Variants in SIPA1L3 observed in about 807,000 individuals in gnomAD.
SIPA1L3 encodes signal-induced proliferation-associated 1-like protein 3.
In SIPA1L3, 59 loss-of-function variants were observed where a neutral mutation model predicts 150.1. The ratio of observed to expected loss-of-function variants is 0.39; its 90% CI spans 0.32 to 0.49. The LOEUF is 0.49. Ranked by LOEUF, SIPA1L3 falls within the 20% of genes least tolerant of loss-of-function variation. SIPA1L3 has a pLI of 0.86. For missense variants in SIPA1L3, 2,211 were observed against 2,489.5 expected (o/e 0.89, Z 2.38); for synonymous variants, 1,070 against 1,077.6 (o/e 0.99, Z 0.14).
intron 21 of SIPA1L3, among the ~76,000 whole-genome samples, chr19:38,204,820 C>A (rs547728496): frequency 6.6e-6 from 1 of 152,196 alleles, no homozygotes; most frequent in African/African-American, 2.4e-5. Flanking sequence ...GGAATTTATC[C>A]GTGACAGCAT....
intron 13 of SIPA1L3, among the ~76,000 whole-genome samples, chr19:38,159,741 G>T (rs1432797764): frequency 6.6e-6 from 1 of 152,232 alleles, no homozygotes; most frequent in East Asian, 1.9e-4. Context: ...TATCGGAGAT[G>T]CTCCTGATAC....
At chr19:37,921,109 G>A (rs372420721) in intron 1 of SIPA1L3, among the ~76,000 whole-genome samples, 49 of 152,314 alleles carry the variant, frequency 3.2e-4, no homozygotes, top group African/African-American at 1.1e-3. Flanking sequence ...GGCAGGAAAC[G>A]TGCCCCTTTC....
chr19:38,087,415 T>C (rs887984561), intron 3 of SIPA1L3, among the ~76,000 whole-genome samples: 1 of 152,198 alleles, frequency 6.6e-6, no homozygotes, highest in African/African-American at 2.4e-5. Context: ...ATTTTGCCCT[T>C]AGACTAGCCT....
chr19:38,002,750 A>G (rs1005857108), intron 1 of SIPA1L3, among the ~76,000 whole-genome samples: 1 of 143,048 alleles, frequency 7.0e-6, no homozygotes, highest in African/African-American at 2.6e-5. Flanking sequence ...AAAAATTTAT[A>G]TGTATATATA....
intron 2 of SIPA1L3, among the ~76,000 whole-genome samples, chr19:38,034,710 G>A (rs1012586840): frequency 1.3e-5 from 2 of 152,184 alleles, no homozygotes; most frequent in African/African-American, 4.8e-5. Flanking sequence ...TCTAGTCCTC[G>A]GGAGAGCACC....
At chr19:37,918,483 C>T (rs2046431087) in intron 1 of SIPA1L3, among the ~76,000 whole-genome samples, 1 of 151,938 alleles carries the variant, frequency 6.6e-6, no homozygotes, top group South Asian at 2.1e-4. Context: ...TGGTCTCAAT[C>T]TCTTGACCTT....
intron 1 of SIPA1L3, among the ~76,000 whole-genome samples, chr19:37,918,266 T>G (rs2046429140): frequency 6.6e-6 from 1 of 151,618 alleles, no homozygotes; most frequent in Non-Finnish European, 1.5e-5. Flanking sequence ...TGTTTGATTG[T>G]TTGTTTGTTT....
intron 15 of SIPA1L3, among the ~76,000 whole-genome samples, chr19:38,178,142 G>C (rs1217148539): frequency 7.0e-6 from 1 of 142,034 alleles, no homozygotes; most frequent in African/African-American, 2.6e-5. Context: ...TGTGTGTTTT[G>C]TAGCTAAGAC....
chr19:38,022,399 G>A (rs1316820097), intron 1 of SIPA1L3, among the ~76,000 whole-genome samples: 1 of 152,098 alleles, frequency 6.6e-6, no homozygotes, highest in Admixed American at 6.6e-5. Flanking sequence ...CTGCACTCCA[G>A]CCTGGGTGAC....
chr19:38,164,008 G>A lies in SIPA1L3; in HGVS notation c.3781-471G>A, dbSNP rs568691383. On this transcript the variant is annotated intron_variant, in intron 14 of 21. Transcript: ENST00000222345. This position sits in a 1 kb window ranked among gnomAD's most constrained non-coding sequence, Gnocchi z 4.1. The stretch of plus-strand genomic sequence containing the variant: ...GGCATGGACAGGACCACGCGGAGCC[G>A]TGGAGCAGGAAGTGACAGGTCCCGG... Among the ~76,000 whole-genome samples, 3 of 152,302 alleles carry A rather than the reference G, an allele frequency of 2.0e-5. No homozygotes were observed. Among genetic ancestry groups the A allele is most frequent in the Middle Eastern group, 3.4e-3 (1 of 294 alleles).
chr19:38,120,389 T>C (rs565379768), intron 9 of SIPA1L3, among the ~76,000 whole-genome samples: 18 of 151,978 alleles, frequency 1.2e-4, no homozygotes, highest in Non-Finnish European at 2.4e-4. Flanking sequence ...GGAGGATTGT[T>C]TGAGCCCAAG....
intron 2 of SIPA1L3, among the ~76,000 whole-genome samples, chr19:38,062,703 T>A (rs562494746): frequency 6.6e-6 from 1 of 152,146 alleles, no homozygotes; most frequent in African/African-American, 2.4e-5. Flanking sequence ...GCACTGTAAC[T>A]GCTGCCTCAC....
chr19:38,161,416 C>T (rs1292802595), intron 13 of SIPA1L3, among the ~76,000 whole-genome samples: 1 of 150,312 alleles, frequency 6.7e-6, no homozygotes, highest in Non-Finnish European at 1.5e-5. Flanking sequence ...AAGAACTCTA[C>T]TAACCAATAA....
At chr19:38,056,764 T>C (rs1457277913) in intron 2 of SIPA1L3, among the ~76,000 whole-genome samples, 32 of 152,252 alleles carry the variant, frequency 2.1e-4, no homozygotes, top group Non-Finnish European at 1.5e-5. Flanking sequence ...GAAAGTAATA[T>C]GAAAAAATAT....
rs147004136 is a variant in SIPA1L3 at position 38,009,307 on chromosome 19, C to T, written c.-378-19782C>T. On this transcript the variant is annotated intron_variant, in intron 1 of 21. Transcript: ENST00000222345. ...TGCTAGGATTACAGGGATGAGCCAC[C>T]GCGCCCAGCCCTATTCTGGGCTATT... Among the ~76,000 whole-genome samples the T allele has an allele frequency of 9.9e-4, 150 of 152,204 alleles. 2 individuals carry two copies. The East Asian group carries it at 0.019, about 20-fold the overall frequency.
rs565924834 is a variant in SIPA1L3 at position 38,126,478 on chromosome 19, A to AT, written c.2869-4013dup. On this transcript the variant is annotated intron_variant, in intron 9 of 21. Transcript: ENST00000222345. ...TTATGACATTGTGAGTTTTTTTGTG[A>AT]TTTTTTTAAGCTTATCAGCTATCAT... Among the ~76,000 whole-genome samples the AT allele has an allele frequency of 2.8e-4, 42 of 151,992 alleles. 1 individual carries two copies. The South Asian group carries it at 5.6e-3, about 20-fold the overall frequency.
intron 1 of SIPA1L3, among the ~76,000 whole-genome samples, chr19:37,967,959 A>T (rs951499489): frequency 8.7e-5 from 12 of 138,460 alleles, no homozygotes; most frequent in African/African-American, 2.5e-5. Flanking sequence ...GCGCCCAGCC[A>T]CTTACGTTAT....
At chr19:38,002,606 G>GC (rs1430028403) in intron 1 of SIPA1L3, among the ~76,000 whole-genome samples, 5 of 149,722 alleles carry the variant, frequency 3.3e-5, no homozygotes, top group Non-Finnish European at 7.4e-5. Flanking sequence ...GGTGGCGTGC[G>GC]CCTGTAATCC....
At chr19:38,050,505 AAGCATT>A (rs1969168306) in intron 2 of SIPA1L3, among the ~76,000 whole-genome samples, 1 of 152,218 alleles carries the variant, frequency 6.6e-6, no homozygotes, top group African/African-American at 2.4e-5. Flanking sequence ...TGTGATCTGA[AAGCATT>A]AGCAATTATT....
Sources: gnomAD v4.1 joint callset for allele counts (sites outside exome capture counted in the v4.1 genomes callset) on GRCh38, gnomAD v4.1.1 for gene constraint, Gnocchi (gnomAD v3.1) non-coding constraint, MANE v1.5 for transcripts, NCBI Gene and HGNC (gene_info 2026-07-23, HGNC 2026-07-21) for gene names.